Variants in PDE10A observed in about 807,000 individuals in gnomAD.
The protein encoded by PDE10A is cAMP and cAMP-inhibited cGMP 3',5'-cyclic phosphodiesterase 10A.
PDE10A carries 39 observed loss-of-function variants against 97.7 expected under a neutral mutation model. The ratio of observed to expected loss-of-function variants is 0.40; its 90% CI spans 0.31 to 0.52. PDE10A has a LOEUF of 0.52. PDE10A is among the 20% of genes least tolerant of loss of function. PDE10A has a pLI of 0.56. For synonymous variants in PDE10A, 371 were observed against 376.8 expected, an observed-to-expected ratio of 0.98 and a Z score of 0.18; for missense variants, 731 against 1,047.8, an observed-to-expected ratio of 0.70 and a Z score of 4.17.
rs376419829 is a variant in PDE10A, at chr6:165,404,109, CAG to C, written c.2077-7652_2077-7651del. On this transcript the variant is annotated intron_variant, in intron 13 of 21. Transcript: ENST00000539869. Reference sequence around the variant, plus strand: ...AAGAAAATATAAATATCTGAGGTGACAGATACCTCAGTCACACCGATATGATT... The same window carrying C: ...AAGAAAATATAAATATCTGAGGTGACATACCTCAGTCACACCGATATGATT... 3.3e-4 allele frequency among the ~76,000 whole-genome samples: 50 copies of C among 152,256 alleles called. No homozygotes were observed. In the East Asian group the frequency reaches 5.6e-3, roughly 17 times the overall value.
intron 3 of PDE10A, among the ~76,000 whole-genome samples, chr6:165,458,821 T>C (rs767272760): frequency 6.6e-6 from 1 of 152,116 alleles, no homozygotes; most frequent in Non-Finnish European, 1.5e-5. Context: ...ACAGTTACCA[T>C]GATCAGAAAA....
Position 165,707,603 on chromosome 6 carries a change from AGT to A in PDE10A, c.-614-164037_-614-164036del, listed in dbSNP as rs147595640. ...CACTGTGTGTGTGTGAGTGTGTGACAGTGTGTGTGCATGTGTGAGCATGTGTT... is the reference window on the plus strand; with the variant it reads ...CACTGTGTGTGTGTGAGTGTGTGACAGTGTGTGCATGTGTGAGCATGTGTT... On this transcript the variant is annotated intron_variant, in intron 1 of 19. Transcript: ENST00000366882. Among the ~76,000 whole-genome samples, 127 of 151,882 alleles carry A rather than the reference AGT, an allele frequency of 8.4e-4. 2 individuals are homozygous for A. The East Asian group carries it at 0.021, about 25-fold the overall frequency.
Position 165,669,013 on chromosome 6 carries a change from G to A in PDE10A, c.-614-125445C>T, listed in dbSNP as rs918661525. On this transcript the variant is annotated intron_variant, in intron 1 of 19. Transcript: ENST00000366882. ...GATGCCTCATGATAGAAGCACCGTG[G>A]CTTCTCAAGGACTGTAGGTTACAGA... Among the ~76,000 whole-genome samples the A allele has an allele frequency of 9.8e-5, 15 of 152,328 alleles. No individual in the cohort carries two copies. The South Asian group carries it at 3.1e-3, about 32-fold the overall frequency.
At chr6:165,585,899 C>A (rs1309183582) in intron 1 of PDE10A, among the ~76,000 whole-genome samples, 3 of 152,142 alleles carry the variant, frequency 2.0e-5, no homozygotes, top group Admixed American at 1.3e-4. Context: ...ACATCCCCCC[C>A]TTGCGCTAAG....
At chr6:165,498,833 T>TCCAAAAGAAA (rs1780703983) in intron 2 of PDE10A, among the ~76,000 whole-genome samples, 1 of 152,206 alleles carries the variant, frequency 6.6e-6, no homozygotes, top group Non-Finnish European at 1.5e-5. Flanking sequence ...GAGTACATGA[T>TCCAAAAGAAA]TGCTCTAATT....
At chr6:165,716,662 C>T (rs1256077322) in intron 1 of PDE10A, among the ~76,000 whole-genome samples, 3 of 152,072 alleles carry the variant, frequency 2.0e-5, no homozygotes, top group Admixed American at 1.3e-4. Flanking sequence ...TATTTTCCCC[C>T]CACATTTAGG....
chr6:165,581,510 A>G (rs555998899), intron 1 of PDE10A, among the ~76,000 whole-genome samples: 10 of 152,342 alleles, frequency 6.6e-5, no homozygotes, highest in African/African-American at 2.4e-4. Context: ...CTCCCCAGGA[A>G]CTGCATCAGC....
intron 1 of PDE10A, among the ~76,000 whole-genome samples, chr6:165,637,297 C>T (rs757502500): frequency 6.6e-6 from 1 of 152,164 alleles, no homozygotes; most frequent in Non-Finnish European, 1.5e-5. Flanking sequence ...AAAACAACCA[C>T]CACCACCTAT....
At chr6:165,795,795 A>G (rs1778811844) in intron 1 of PDE10A, among the ~76,000 whole-genome samples, 1 of 151,986 alleles carries the variant, frequency 6.6e-6, no homozygotes, top group South Asian at 2.1e-4. Flanking sequence ...TAGTGGCCTG[A>G]GTCTAATTTG....
At chr6:165,403,881 C>A (rs1209704894) in intron 13 of PDE10A, among the ~76,000 whole-genome samples, 1 of 152,152 alleles carries the variant, frequency 6.6e-6, no homozygotes, top group Non-Finnish European at 1.5e-5. Context: ...TCAGTTTCAT[C>A]CATGCTGCTG....
intron 13 of PDE10A, among the ~76,000 whole-genome samples, chr6:165,412,790 T>C (rs1787977057): frequency 6.6e-6 from 1 of 152,180 alleles, no homozygotes; most frequent in Non-Finnish European, 1.5e-5. Flanking sequence ...ACTGAATGTA[T>C]GTTGATTTAG....
Position 165,838,386 on chromosome 6 carries a change from AT to A in PDE10A, c.-615+149142del, listed in dbSNP as rs1411625277. ...AATTCAGGGTTTTTATTGACATAAT[AT>A]TTTTCCACTTTTTAAAAATTGAGAT... On this transcript the variant is annotated intron_variant, in intron 1 of 19. Transcript: ENST00000366882. Among the ~76,000 whole-genome samples the A allele has an allele frequency of 2.6e-5, 4 of 152,134 alleles. No individual in the cohort carries two copies. The East Asian group carries it at 5.8e-4, about 22-fold the overall frequency.
At chr6:165,924,223 G>C (rs1327054576) in intron 1 of PDE10A, among the ~76,000 whole-genome samples, 1 of 151,858 alleles carries the variant, frequency 6.6e-6, no homozygotes. Flanking sequence ...TGTCCAACTC[G>C]TGGCTTACAT....
intron 1 of PDE10A, among the ~76,000 whole-genome samples, chr6:165,650,475 T>A (rs963027728): frequency 7.1e-6 from 1 of 141,580 alleles, no homozygotes; most frequent in Non-Finnish European, 1.6e-5. Context: ...GCTTTTATTG[T>A]CCTTTCTAAC....
intron 1 of PDE10A, among the ~76,000 whole-genome samples, chr6:165,778,076 T>A (rs761927850): frequency 3.9e-5 from 6 of 152,162 alleles, no homozygotes; most frequent in Non-Finnish European, 7.3e-5. Flanking sequence ...AATTTTTAAT[T>A]TTTATTATTA....
chr6:165,753,482 A>G (rs1157511532), intron 1 of PDE10A, among the ~76,000 whole-genome samples: 1 of 152,238 alleles, frequency 6.6e-6, no homozygotes, highest in Non-Finnish European at 1.5e-5. Flanking sequence ...TTCATGTTAC[A>G]GAAGCTTTAT....
At chr6:165,452,516 G>T (rs780808662) in intron 3 of PDE10A, among the ~76,000 whole-genome samples, 131 of 152,132 alleles carry the variant, frequency 8.6e-4, no homozygotes, top group Middle Eastern at 3.2e-3. Flanking sequence ...CCTGATAAAA[G>T]ATATCTTTGG....
chr6:165,432,841 C>A, intron 7 of PDE10A, 133 bp downstream of exon 7: 1 of 663,720 alleles, frequency 1.5e-6, no homozygotes, highest in South Asian at 2.2e-5. Flanking sequence ...TATCAAAACA[C>A]TGTTAAGCAA....
chr6:165,579,647 G>C (rs1326093199), intron 1 of PDE10A, among the ~76,000 whole-genome samples: 1 of 152,134 alleles, frequency 6.6e-6, no homozygotes, highest in East Asian at 1.9e-4. Flanking sequence ...TGCATCTATA[G>C]TCTGGTCTCA....
Sources: gnomAD v4.1 joint callset for allele counts (sites outside exome capture counted in the v4.1 genomes callset) on GRCh38, gnomAD v4.1.1 for gene constraint, MANE v1.5 for transcripts, NCBI Gene and HGNC (gene_info 2026-07-23, HGNC 2026-07-21) for gene names.